TG: variants seen among roughly 807,000 people sequenced by gnomAD.
TG encodes the protein thyroid hormones.
In TG, 270 loss-of-function variants were observed where a neutral mutation model predicts 324.7. The observed-to-expected ratio is 0.83, with a 90% CI of 0.75 to 0.92. The LOEUF is 0.92. TG is among the 40% of genes least tolerant of loss of function. The pLI is 0.00. For synonymous variants in TG, 1,401 were observed against 1,327.0 expected (o/e 1.06, Z -1.21); for missense variants, 3,591 against 3,456.4 (o/e 1.04, Z -0.98).
chr8:133,116,736 C>T lies in TG; in HGVS notation c.7862+20C>T. The T allele has an allele frequency of 6.2e-7, 1 of 1,603,628 alleles. No individual in the cohort carries two copies. The highest frequency in any genetic ancestry group is 8.5e-7 in the Non-Finnish European group (1 of 1,170,490). Reference sequence around the variant, plus strand: ...TGGCAGGTAAGACGCTGCAGGGAAGCAGAGAAAGGAAGGTAAAACCGAATG... The same window carrying T: ...TGGCAGGTAAGACGCTGCAGGGAAGTAGAGAAAGGAAGGTAAAACCGAATG... On this transcript the variant is annotated intron_variant, in intron 45 of 47. Transcript: ENST00000220616.
At chr8:132,996,409 A>T (rs924678851) in intron 35 of TG, among the ~76,000 whole-genome samples, 8 of 152,314 alleles carry the variant, frequency 5.3e-5, no homozygotes, top group Admixed American at 5.2e-4. Context: ...CTCCTTTATT[A>T]ATTAACTTCA....
intron 45 of TG, among the ~76,000 whole-genome samples, chr8:133,121,814 AC>A (rs1252908039): frequency 6.6e-6 from 1 of 151,998 alleles, no homozygotes; most frequent in Non-Finnish European, 1.5e-5. Context: ...ATTCTTGACA[AC>A]CCCCTGTGTA....
intron 35 of TG, among the ~76,000 whole-genome samples, chr8:133,006,665 G>A (rs1834042378): frequency 6.6e-6 from 1 of 152,202 alleles, no homozygotes; most frequent in Non-Finnish European, 1.5e-5. Context: ...GCATATCCTT[G>A]CTAGACCGGA....
At chr8:133,030,076 G>T (rs768096596) in intron 41 of TG, 53 bp downstream of exon 41, 1 of 1,609,174 alleles carries the variant, frequency 6.2e-7, no homozygotes, top group African/African-American at 1.3e-5. Context: ...GCTGGGGGAG[G>T]TGGTTCTCCT....
At chr8:133,090,181 T>G (rs1847262066) in intron 41 of TG, 1 of 152,222 alleles carries the variant, frequency 6.6e-6, no homozygotes. Context: ...TGGCAATTGA[T>G]TTCAATAAGC....
At chr8:133,120,386 T>A (rs1441026658) in intron 45 of TG, among the ~76,000 whole-genome samples, 1 of 152,228 alleles carries the variant, frequency 6.6e-6, no homozygotes, top group Non-Finnish European at 1.5e-5. Flanking sequence ...CCTGGATCAC[T>A]TTCATAGGCT....
intron 26 of TG, among the ~76,000 whole-genome samples, chr8:132,947,809 A>G (rs1011471377): frequency 6.6e-6 from 1 of 152,228 alleles, no homozygotes; most frequent in African/African-American, 2.4e-5. Context: ...TATAAGAATT[A>G]AGGGAATTAA....
chr8:133,047,591 C>T, intron 41 of TG: 1 of 543,476 alleles, frequency 1.8e-6, no homozygotes, highest in Non-Finnish European at 3.3e-6. Context: ...CAGGAGTCAT[C>T]AGGCCTGATG....
Position 133,017,814 on chromosome 8 carries a change from C to T in TG, c.6599C>T (p.Ser2200Phe), listed in dbSNP as rs1243790167. Reference protein sequence around the residue: ...SLLSYEASVPSVPISTHGRLL... With the variant: ...SLLSYEASVPFVPISTHGRLL... ...CTCAGCTATGAGGCATCTGTACCTT[C>T]TGTGCCCATTTCCACCCATGGCCGG... Residue 2200 changes from serine (S) to phenylalanine (F), a missense_variant, in exon 38 of 48, where the codon TCT becomes TTT. Ser to Phe is a radical substitution (Grantham distance 155). Coordinates refer to ENST00000220616, the MANE Select transcript of TG (RefSeq NM_003235.5). 2 of 1,614,108 alleles carry T rather than the reference C, an allele frequency of 1.2e-6. No homozygotes were observed. The highest frequency in any genetic ancestry group is 1.7e-6 in the Non-Finnish European group (2 of 1,180,056).
chr8:133,005,519 C>G (rs573098967), intron 35 of TG, among the ~76,000 whole-genome samples: 1 of 152,266 alleles, frequency 6.6e-6, no homozygotes, highest in East Asian at 1.9e-4. Context: ...GAGCATTTCC[C>G]CTGGGCAGCA....
rs761122665 is a variant in TG at position 132,873,145 on chromosome 8, G to C, written c.562G>C (p.Glu188Gln). The C allele has an allele frequency of 6.2e-7, 1 of 1,614,084 alleles. No homozygotes were observed. Among genetic ancestry groups the C allele is most frequent in the East Asian group, 2.2e-5 (1 of 44,902 alleles). The change falls in exon 5 of 48, where the codon GAG becomes CAG. Residue 188 changes from glutamate to glutamine, a missense_variant. By Grantham distance (29) the Glu-to-Gln change is conservative (BLOSUM62 2). Coordinates refer to ENST00000220616, the MANE Select transcript of TG (RefSeq NM_003235.5). ...ACCACCCCAGTGTTCTGCGGAGGGA[G>C]AGTTTATGCCTGTCCAGTGCAAATT... The part of the protein sequence containing the change: ...KSPPQCSAEG[E>Q]FMPVQCKFVN...
chr8:132,994,068 C>A (rs961897029), intron 35 of TG, among the ~76,000 whole-genome samples: 4 of 152,162 alleles, frequency 2.6e-5, no homozygotes, highest in Non-Finnish European at 5.9e-5. Context: ...CTCTGGGTAA[C>A]TCCTGACTAC....
At chr8:132,875,494 A>G (rs1022445277) in intron 5 of TG, among the ~76,000 whole-genome samples, 1 of 152,222 alleles carries the variant, frequency 6.6e-6, no homozygotes, top group Non-Finnish European at 1.5e-5. Flanking sequence ...TCCTTTTAGT[A>G]TCCCACATAA....
intron 41 of TG, among the ~76,000 whole-genome samples, chr8:133,035,961 G>A (rs894675988): frequency 6.6e-6 from 1 of 152,036 alleles, no homozygotes; most frequent in Non-Finnish European, 1.5e-5. Context: ...ACCCTCTAGG[G>A]CCCTGCAGGA....
Position 133,017,927 on chromosome 8 carries a change from C to A in TG, c.6712C>A (p.Leu2238Met). ...TGGAGTTCCATATGCTGCCCCGCCC[C>A]TGGCAGAGAGGCGCTTCCAGGCACC... ...FLGVPYAAPP[L>M]AERRFQAPEP... Residue 2238 changes from leucine (L) to methionine (M), a missense_variant, in exon 38 of 48, where the codon CTG (leucine) becomes ATG (methionine). Coordinates refer to ENST00000220616, the MANE Select transcript of TG (RefSeq NM_003235.5). 2 of 1,614,216 alleles carry A rather than the reference C, an allele frequency of 1.2e-6. No homozygotes were observed. Among genetic ancestry groups the A allele is most frequent in the Non-Finnish European group, 1.7e-6 (2 of 1,180,044 alleles).
chr8:132,953,713 A>G (rs1169760247), intron 27 of TG, among the ~76,000 whole-genome samples: 2 of 152,176 alleles, frequency 1.3e-5, no homozygotes, highest in Non-Finnish European at 2.9e-5. Context: ...GCAATGAGTG[A>G]TGGCTGAGAA....
At chr8:132,945,561 G>A (rs569451014) in intron 26 of TG, among the ~76,000 whole-genome samples, 33 of 152,136 alleles carry the variant, frequency 2.2e-4, no homozygotes, top group Admixed American at 2.6e-4. Flanking sequence ...AGGGAAGTGT[G>A]GATGGGAGAT....
chr8:133,051,215 G>A lies in TG; in HGVS notation c.7239+21192G>A, dbSNP rs1271875907. Among the ~76,000 whole-genome samples the A allele has an allele frequency of 3.3e-5, 5 of 152,288 alleles. No individual in the cohort carries two copies. The South Asian group carries it at 8.3e-4, about 25-fold the overall frequency. On this transcript the variant is annotated intron_variant, in intron 41 of 47. Transcript: ENST00000220616. ...ATGAGTCATGGGGTCTGGCTTCAGC[G>A]CCTGTTACGAGTCTACTAGCCTCAC...
chr8:133,092,044 T>C (rs1005298935), intron 41 of TG, among the ~76,000 whole-genome samples: 5 of 152,222 alleles, frequency 3.3e-5, no homozygotes, highest in Admixed American at 2.6e-4. Context: ...CTGGTGCTGC[T>C]TTAAAACAAA....
Sources: gnomAD v4.1 joint callset for allele counts (sites outside exome capture counted in the v4.1 genomes callset) on GRCh38, gnomAD v4.1.1 for gene constraint, MANE v1.5 for transcripts, NCBI Gene and HGNC (gene_info 2026-07-23, HGNC 2026-07-21) for gene names.